ALK: variants seen among roughly 807,000 people sequenced by gnomAD.
ALK encodes the protein ALK receptor tyrosine kinase, also known as ALK tyrosine kinase receptor.
A neutral mutation model predicts 163.1 loss-of-function variants in ALK; 74 were observed. That is an observed-to-expected ratio of 0.45 (90% CI 0.38 to 0.55). ALK has a LOEUF of 0.55. Ranked by LOEUF, ALK falls within the 20% of genes least tolerant of loss-of-function variation. ALK has a pLI of 0.00. For synonymous variants in ALK, 960 were observed against 843.2 expected, an observed-to-expected ratio of 1.14 and a Z score of -2.40; for missense variants, 2,063 against 2,105.3, an observed-to-expected ratio of 0.98 and a Z score of 0.39.
At position 29,772,565 on chromosome 2, in the gene ALK, A is replaced by G. The variant is rs186795571; in HGVS notation, c.668-54868T>C. On this transcript the variant is annotated intron_variant, in intron 1 of 28. Transcript: ENST00000389048. The stretch of plus-strand genomic sequence containing the variant: ...CCTCACCATAGTGGGAATTCCATGG[A>G]AAGGGTTTAAAATGGCAAATCAAGA... Among the ~76,000 whole-genome samples, 13 of 152,276 alleles carry G rather than the reference A, an allele frequency of 8.5e-5. No homozygotes were observed. The East Asian group carries it at 2.5e-3, about 29-fold the overall frequency.
At chr2:29,865,418 C>T (rs1666407651) in intron 1 of ALK, among the ~76,000 whole-genome samples, 1 of 152,214 alleles carries the variant, frequency 6.6e-6, no homozygotes, top group Admixed American at 6.5e-5. Flanking sequence ...CTTCTTTTGT[C>T]TTCACCATTC....
At chr2:29,293,289 A>G (rs1666087494) in intron 9 of ALK, among the ~76,000 whole-genome samples, 1 of 152,216 alleles carries the variant, frequency 6.6e-6, no homozygotes, top group South Asian at 2.1e-4. Flanking sequence ...TTGAAAGTAT[A>G]TGCAATTTCC....
chr2:29,258,128 G>A (rs1664994721), intron 11 of ALK, among the ~76,000 whole-genome samples: 1 of 152,136 alleles, frequency 6.6e-6, no homozygotes, highest in South Asian at 2.1e-4. Context: ...CATCACGCCT[G>A]GCCTCCATAT....
At chr2:29,653,022 A>C (rs1001085081) in intron 3 of ALK, among the ~76,000 whole-genome samples, 1 of 152,138 alleles carries the variant, frequency 6.6e-6, no homozygotes, top group Non-Finnish European at 1.5e-5. Context: ...GCTTGGACTT[A>C]AGACTGGTAG....
At chr2:29,656,641 T>C (rs1005873040) in intron 3 of ALK, among the ~76,000 whole-genome samples, 1 of 152,156 alleles carries the variant, frequency 6.6e-6, no homozygotes, top group Non-Finnish European at 1.5e-5. Flanking sequence ...ACAAGGAACC[T>C]GAAACACAAA....
intron 1 of ALK, among the ~76,000 whole-genome samples, chr2:29,768,841 CT>C (rs201699286): frequency 2.6e-4 from 38 of 145,338 alleles, no homozygotes; most frequent in South Asian, 1.1e-3. Context: ...TCCTTTTTAT[CT>C]TTTTTTTTTA....
At chr2:29,244,365 C>T (rs13382755) in intron 12 of ALK, among the ~76,000 whole-genome samples, 23,737 of 152,130 alleles carry the variant, frequency 0.16, 3,378 homozygotes, top group African/African-American at 0.38. Context: ...TGAGTGTGGA[C>T]GGAGCTTGGT....
chr2:29,254,587 G>A (rs1190881845), intron 11 of ALK, among the ~76,000 whole-genome samples: 1 of 152,196 alleles, frequency 6.6e-6, no homozygotes, highest in Non-Finnish European at 1.5e-5. Flanking sequence ...CTGCTGGCCA[G>A]CTGTGAGACA....
At position 29,548,993 on chromosome 2, in the gene ALK, T is replaced by C. The variant is rs78178526; in HGVS notation, c.953-16877A>G. ...CCATTAATGGGCCATGAAATCAATT[T>C]AGTGGGTCATGACCAGCACTAAACA... is the stretch of plus-strand genomic sequence containing the variant. On this transcript the variant is annotated intron_variant, in intron 3 of 28. Coordinates refer to ENST00000389048, the MANE Select transcript of ALK (RefSeq NM_004304.5). Among the ~76,000 whole-genome samples, 1,007 of 152,222 alleles carry C rather than the reference T, an allele frequency of 6.6e-3. 27 individuals carry two copies. The highest frequency in any genetic ancestry group is 0.043 in the East Asian group (223 of 5,160).
intron 1 of ALK, among the ~76,000 whole-genome samples, chr2:29,854,057 G>A (rs1397245849): frequency 6.6e-6 from 1 of 151,752 alleles, no homozygotes; most frequent in Non-Finnish European, 1.5e-5. Flanking sequence ...TTATGGGTTT[G>A]AGCCACCGCA....
At chr2:29,908,288 A>G (rs1027749702) in intron 1 of ALK, among the ~76,000 whole-genome samples, 12 of 151,326 alleles carry the variant, frequency 7.9e-5, no homozygotes, top group African/African-American at 2.9e-4. Flanking sequence ...GAGCACACAC[A>G]CACACACACA....
intron 4 of ALK, among the ~76,000 whole-genome samples, chr2:29,490,221 A>G (rs1318034850): frequency 6.6e-6 from 1 of 152,214 alleles, no homozygotes; most frequent in Non-Finnish European, 1.5e-5. Flanking sequence ...CTGAGGCCGC[A>G]AGCAGCCCAG....
At chr2:29,211,372 T>C (rs1669462304) in intron 24 of ALK, among the ~76,000 whole-genome samples, 1 of 152,222 alleles carries the variant, frequency 6.6e-6, no homozygotes, top group African/African-American at 2.4e-5. Flanking sequence ...ACAATATTTA[T>C]GGCTCCAGAA....
intron 4 of ALK, among the ~76,000 whole-genome samples, chr2:29,482,196 C>G (rs1348612755): frequency 6.6e-6 from 1 of 152,156 alleles, no homozygotes; most frequent in African/African-American, 2.4e-5. Context: ...TCTGGGCTTG[C>G]AGAGATATTG....
intron 1 of ALK, among the ~76,000 whole-genome samples, chr2:29,876,066 GTGT>G (rs1237322925): frequency 2.0e-5 from 3 of 152,124 alleles, no homozygotes; most frequent in African/African-American, 7.2e-5. Context: ...ATATGTGTGT[GTGT>G]TGAGATTATA....
intron 1 of ALK, among the ~76,000 whole-genome samples, chr2:29,894,558 T>C (rs911137417): frequency 6.6e-6 from 1 of 151,952 alleles, no homozygotes; most frequent in Non-Finnish European, 1.5e-5. Context: ...AAAAAAACTA[T>C]CAATAACTTA....
intron 4 of ALK, among the ~76,000 whole-genome samples, chr2:29,397,946 A>C (rs1436239853): frequency 6.6e-6 from 1 of 152,236 alleles, no homozygotes; most frequent in Admixed American, 6.5e-5. Context: ...GCTTTCCCGA[A>C]CATAACAAAC....
intron 5 of ALK, among the ~76,000 whole-genome samples, chr2:29,346,750 G>A (rs1260935263): frequency 6.6e-6 from 1 of 152,238 alleles, no homozygotes; most frequent in Non-Finnish European, 1.5e-5. Flanking sequence ...GTAAACTGTA[G>A]ATTATTCACT....
chr2:29,578,601 G>T (rs1674591327), intron 3 of ALK, among the ~76,000 whole-genome samples: 1 of 152,178 alleles, frequency 6.6e-6, no homozygotes, highest in South Asian at 2.1e-4. Flanking sequence ...GCATTCTCTG[G>T]CTTTCTTCCT....
Sources: gnomAD v4.1 joint callset for allele counts (sites outside exome capture counted in the v4.1 genomes callset) on GRCh38, gnomAD v4.1.1 for gene constraint, MANE v1.5 for transcripts, NCBI Gene and HGNC (gene_info 2026-07-23, HGNC 2026-07-21) for gene names.